CNTNAP2: variants seen among roughly 807,000 people sequenced by gnomAD.
CNTNAP2 encodes the protein contactin associated protein 2, also known as contactin-associated protein-like 2.
A neutral mutation model predicts 155.2 loss-of-function variants in CNTNAP2; 98 were observed. That is an observed-to-expected ratio of 0.63 (90% CI 0.54 to 0.75). The LOEUF (loss-of-function observed/expected upper bound fraction) is 0.75, where lower values mean the gene tolerates loss of function less well. Ranked by LOEUF, CNTNAP2 falls within the 30% of genes least tolerant of loss-of-function variation. The pLI is 0.00. For synonymous variants in CNTNAP2, 651 were observed against 631.2 expected (o/e 1.03, Z -0.47); for missense variants, 1,727 against 1,688.1 (o/e 1.02, Z -0.40).
chr7:146,329,055 A>G (rs571517099), intron 1 of CNTNAP2, among the ~76,000 whole-genome samples: 34 of 152,354 alleles, frequency 2.2e-4, no homozygotes, highest in Admixed American at 2.2e-3. Flanking sequence ...ACCCAGAAGT[A>G]GGATTGCTAG....
intron 1 of CNTNAP2, among the ~76,000 whole-genome samples, chr7:146,393,719 G>A (rs1795578658): frequency 6.6e-6 from 1 of 151,766 alleles, no homozygotes; most frequent in South Asian, 2.1e-4. Context: ...CATAGATGTG[G>A]CTGGCAGGCA....
intron 15 of CNTNAP2, among the ~76,000 whole-genome samples, chr7:148,089,381 A>G (rs1417616476): frequency 2.0e-5 from 3 of 152,012 alleles, no homozygotes; most frequent in Non-Finnish European, 4.4e-5. Flanking sequence ...TTTGCAGATG[A>G]CATGATCTTA....
intron 1 of CNTNAP2, among the ~76,000 whole-genome samples, chr7:146,349,865 C>T (rs1261269268): frequency 1.3e-5 from 2 of 152,088 alleles, no homozygotes; most frequent in Non-Finnish European, 2.9e-5. Context: ...TTTCCCTTTG[C>T]AGGTAACCCG....
intron 8 of CNTNAP2, among the ~76,000 whole-genome samples, chr7:147,220,083 C>A (rs1177442683): frequency 6.6e-6 from 1 of 151,934 alleles, no homozygotes; most frequent in Non-Finnish European, 1.5e-5. Context: ...ACCACCACAC[C>A]CGGCAGGCTG....
intron 11 of CNTNAP2, among the ~76,000 whole-genome samples, chr7:147,504,620 C>T (rs1202277596): frequency 1.3e-5 from 2 of 148,668 alleles, no homozygotes; most frequent in African/African-American, 2.5e-5. Context: ...ACCCGGGAGG[C>T]AGAGGTTGCA....
intron 15 of CNTNAP2, among the ~76,000 whole-genome samples, chr7:148,117,483 A>G (rs1296418491): frequency 6.6e-6 from 1 of 152,170 alleles, no homozygotes; most frequent in East Asian, 1.9e-4. Context: ...CACCTGCACC[A>G]GGTGTCTGGG....
chr7:147,486,303 G>A (rs1277931825), intron 11 of CNTNAP2, among the ~76,000 whole-genome samples: 1 of 151,696 alleles, frequency 6.6e-6, no homozygotes, highest in East Asian at 1.9e-4. Flanking sequence ...GTTGAGATTG[G>A]AAGTCCAAAC....
intron 1 of CNTNAP2, among the ~76,000 whole-genome samples, chr7:146,687,472 C>T (rs2248653): frequency 0.71 from 107,437 of 151,526 alleles, 38,911 homozygotes; most frequent in South Asian, 0.86. Context: ...TTGTCTGTGC[C>T]CCTTTTTGTC....
chr7:147,512,394 A>G (rs1267988925), intron 11 of CNTNAP2, among the ~76,000 whole-genome samples: 1 of 152,174 alleles, frequency 6.6e-6, no homozygotes, highest in African/African-American at 2.4e-5. Flanking sequence ...TGTCCATATA[A>G]AGACTAATTG....
intron 21 of CNTNAP2, among the ~76,000 whole-genome samples, chr7:148,379,572 C>A (rs1438401489): frequency 6.6e-6 from 1 of 151,934 alleles, no homozygotes; most frequent in South Asian, 2.1e-4. Flanking sequence ...ATTAGTCGGG[C>A]ATGGTAGCAC....
rs75866837 is a variant in CNTNAP2 at position 148,086,563 on chromosome 7, A to T, written c.2384-31555A>T. ...CAAAGGTAATCAGTATTTTTAGATT[A>T]AAATCAGTTATAAATGTGCTAATAT... On this transcript the variant is annotated intron_variant, in intron 15 of 23. Transcript: ENST00000361727. Among the ~76,000 whole-genome samples, 4 of 152,368 alleles carry T rather than the reference A, an allele frequency of 2.6e-5. No individual in the cohort carries two copies. The East Asian group carries it at 7.7e-4, about 29-fold the overall frequency.
intron 1 of CNTNAP2, among the ~76,000 whole-genome samples, chr7:146,584,348 T>C (rs1452148226): frequency 1.3e-5 from 2 of 152,030 alleles, no homozygotes; most frequent in Non-Finnish European, 2.9e-5. Flanking sequence ...GCTAATAGAG[T>C]GCCTAGCGCA....
At chr7:148,019,728 G>T (rs1367262638) in intron 15 of CNTNAP2, among the ~76,000 whole-genome samples, 1 of 151,258 alleles carries the variant, frequency 6.6e-6, no homozygotes, top group Admixed American at 6.6e-5. Context: ...AAGTGCTGGG[G>T]TTACAGGTGT....
intron 14 of CNTNAP2, among the ~76,000 whole-genome samples, chr7:147,941,003 G>A (rs1800711174): frequency 6.6e-6 from 1 of 152,220 alleles, no homozygotes; most frequent in South Asian, 2.1e-4. Context: ...CCTTGCTGGA[G>A]TTGGTTTGGA....
chr7:147,356,216 C>T (rs918591904), intron 9 of CNTNAP2, among the ~76,000 whole-genome samples: 22 of 152,070 alleles, frequency 1.4e-4, no homozygotes, highest in Admixed American at 3.9e-4. Context: ...GCAGAAAAGG[C>T]CTTTGATAAA....
intron 12 of CNTNAP2, among the ~76,000 whole-genome samples, chr7:147,598,689 G>C (rs1377445926): frequency 6.6e-6 from 1 of 152,076 alleles, no homozygotes; most frequent in Non-Finnish European, 1.5e-5. Flanking sequence ...ATATGGTTTG[G>C]CTGTGTCCCC....
At chr7:146,263,617 CTAGAGGT>C (rs1278025744) in intron 1 of CNTNAP2, among the ~76,000 whole-genome samples, 1 of 152,096 alleles carries the variant, frequency 6.6e-6, no homozygotes, top group Non-Finnish European at 1.5e-5. Context: ...TTGTAGCTTC[CTAGAGGT>C]TGTAGACAGA....
In CNTNAP2 at chr7:146,635,416, A is replaced by G. The variant is rs946495988; in HGVS notation, c.98-138855A>G. Among the ~76,000 whole-genome samples the G allele has an allele frequency of 2.6e-5, 4 of 152,298 alleles. No individual in the cohort carries two copies. In the East Asian group the frequency reaches 7.7e-4, roughly 29 times the overall value. On this transcript the variant is annotated intron_variant, in intron 1 of 23. Coordinates refer to ENST00000361727, the MANE Select transcript of CNTNAP2 (RefSeq NM_014141.6). ...GAGAGCATGAAACTCCTGAAGTGTC[A>G]GGGGCTGTCATGGCTTTGTGTGGAC...
intron 3 of CNTNAP2, among the ~76,000 whole-genome samples, chr7:146,946,100 TTCTTTCCTTCCTTCC>T (rs1797167281): frequency 1.3e-5 from 2 of 151,100 alleles, no homozygotes; most frequent in Non-Finnish European, 3.0e-5. Context: ...CTTCCTTTCC[TTCTTTCCTTCCTTCC>T]TTCCTTCTTT....
Sources: allele counts gnomAD v4.1 joint callset (sites outside exome capture counted in the v4.1 genomes callset), GRCh38; gene constraint gnomAD v4.1.1; transcripts MANE v1.5; gene names NCBI Gene and HGNC (gene_info 2026-07-23, HGNC 2026-07-21).